The following PDS5A variants were observed in gnomAD, a reference collection of about 807,000 sequenced individuals.
The protein encoded by PDS5A is sister chromatid cohesion protein PDS5 homolog A.
A neutral mutation model predicts 167.1 loss-of-function variants in PDS5A; 42 were observed. The observed-to-expected ratio is 0.25, with a 90% CI of 0.20 to 0.33. The LOEUF (loss-of-function observed/expected upper bound fraction) is 0.33, where lower values mean the gene tolerates loss of function less well. PDS5A is among the 10% of genes least tolerant of loss of function. The pLI is 1.00. For missense variants in PDS5A, 1,033 were observed against 1,605.9 expected, an observed-to-expected ratio of 0.64 and a Z score of 6.10; for synonymous variants, 553 against 554.6, an observed-to-expected ratio of 1.00 and a Z score of 0.04.
intron 23 of PDS5A, among the ~76,000 whole-genome samples, 158 bp from the exon 24 acceptor site, chr4:39,863,617 CAG>C (rs1719179766): frequency 6.6e-6 from 1 of 152,032 alleles, no homozygotes; most frequent in Non-Finnish European, 1.5e-5. Context: ...GAACTTAACA[CAG>C]GGGATTGTGA....
At chr4:39,970,315 T>G (rs1461889292) in intron 2 of PDS5A, among the ~76,000 whole-genome samples, 1 of 151,792 alleles carries the variant, frequency 6.6e-6, no homozygotes, top group Non-Finnish European at 1.5e-5. Flanking sequence ...ATAGGTAAAG[T>G]AATGCCCTGG....
chr4:39,920,299 A>C lies in PDS5A; in HGVS notation c.735+20T>G. On this transcript the variant is annotated intron_variant, in intron 7 of 32. Transcript: ENST00000303538. ...TTAAGAATTACAAAATATAGAATAAACATAGAAAGAAATACATACATTAGC... is the reference window on the plus strand; with the variant it reads ...TTAAGAATTACAAAATATAGAATAACCATAGAAAGAAATACATACATTAGC... 1 of 1,048,340 alleles carries C rather than the reference A, an allele frequency of 9.5e-7. No individual in the cohort carries two copies. Among genetic ancestry groups the C allele is most frequent in the South Asian group, 1.5e-5 (1 of 67,032 alleles). 64.9% of individuals were successfully genotyped at this position (1,048,340 alleles called of 1,614,324 possible).
chr4:39,902,121 T>C (rs886983735), intron 13 of PDS5A, among the ~76,000 whole-genome samples: 2 of 152,210 alleles, frequency 1.3e-5, no homozygotes, highest in Non-Finnish European at 2.9e-5. Flanking sequence ...GTCATTTATT[T>C]GAACACCTGA....
chr4:39,923,918 T>C lies in PDS5A; in HGVS notation c.528-1170A>G, dbSNP rs187901401. On this transcript the variant is annotated intron_variant, in intron 5 of 32. Transcript: ENST00000303538. ...GCCACTAGAAGTTTTAACTCACCAA[T>C]ACTGAAAATCAAAAGTTTCATCTAA... Among the ~76,000 whole-genome samples, 8 of 152,226 alleles carry C rather than the reference T, an allele frequency of 5.3e-5. No individual in the cohort carries two copies. In the East Asian group the frequency reaches 1.3e-3, roughly 26 times the overall value.
At chr4:39,915,197 C>A (rs1330273271) in intron 8 of PDS5A, among the ~76,000 whole-genome samples, 1 of 151,778 alleles carries the variant, frequency 6.6e-6, no homozygotes, top group East Asian at 1.9e-4. Context: ...CATCACCACA[C>A]CTGGCTAATT....
intron 8 of PDS5A, among the ~76,000 whole-genome samples, chr4:39,916,008 G>T (rs1486293043): frequency 6.6e-6 from 1 of 152,258 alleles, no homozygotes; most frequent in African/African-American, 2.4e-5. Flanking sequence ...CAAGGCAGGA[G>T]AATTGCATTA....
rs768939264 is a variant in PDS5A at position 39,834,385 on chromosome 4, G to GA, written c.4010+3470dup. Among the ~76,000 whole-genome samples, 6 of 152,252 alleles carry GA rather than the reference G, an allele frequency of 3.9e-5. No individual in the cohort carries two copies. The East Asian group carries it at 1.2e-3, about 29-fold the overall frequency. The stretch of plus-strand genomic sequence containing the variant: ...TTTGGACAAAGTCAAAGCTTTAGCA[G>GA]AAAAATGCCTGGGAAAGCTTCACCA... On this transcript the variant is annotated intron_variant, in intron 32 of 32. Coordinates refer to ENST00000303538, the MANE Select transcript of PDS5A (RefSeq NM_001100399.2).
At chr4:39,892,217 T>A (rs1722036594) in intron 16 of PDS5A, among the ~76,000 whole-genome samples, 1 of 152,176 alleles carries the variant, frequency 6.6e-6, no homozygotes, top group Non-Finnish European at 1.5e-5. Context: ...AGGTGACGGA[T>A]CGTTTGAGGT....
chr4:39,877,290 T>C (rs1720541317), intron 18 of PDS5A, 137 bp from the exon 19 acceptor site: 2 of 484,116 alleles, frequency 4.1e-6, no homozygotes, highest in Non-Finnish European at 7.0e-6. Context: ...ATACATCTCC[T>C]AGCCGTCCTT....
At chr4:39,896,910 T>A (rs909349194) in intron 16 of PDS5A, among the ~76,000 whole-genome samples, 4 of 152,022 alleles carry the variant, frequency 2.6e-5, no homozygotes, top group Non-Finnish European at 5.9e-5. Flanking sequence ...AATCTTTTTT[T>A]TTTTTTAATG....
At chr4:39,902,276 C>T (rs2109656185) in intron 13 of PDS5A, 71 bp downstream of exon 13, 1 of 673,306 alleles carries the variant, frequency 1.5e-6, no homozygotes, top group South Asian at 2.0e-5. Flanking sequence ...TCAATAACAA[C>T]TAATTAGATA....
rs773588952 is a variant in PDS5A, at chr4:39,928,143, C to T, written c.160G>A (p.Asp54Asn). ...RLKMVVKTFM[D>N]MDQDSEDEKQ... ...TCATCTTCTGAGTCCTGATCCATAT[C>T]CATAAAGGTTTTCACTACCATCTGT... The change falls in exon 3 of 33, where the codon GAT (aspartate) becomes AAT (asparagine). Residue 54 changes from aspartate (D) to asparagine (N), a missense_variant. Coordinates refer to ENST00000303538, the MANE Select transcript of PDS5A (RefSeq NM_001100399.2). 1 of 1,609,106 alleles carries T rather than the reference C, an allele frequency of 6.2e-7. No individual in the cohort carries two copies. The highest frequency in any genetic ancestry group is 1.1e-5 in the South Asian group (1 of 90,550).
intron 10 of PDS5A, chr4:39,908,811 C>A: frequency 2.7e-6 from 1 of 369,032 alleles, no homozygotes; most frequent in Non-Finnish European, 4.9e-6. Context: ...GCAGGTCGCA[C>A]AAGCTCAAGA....
rs199762348 is a variant in PDS5A, at chr4:39,885,568, GAC to G, written c.1886+4679_1886+4680del. ...CAGGATCGTGCATTTCAGCCTGGGC[GAC>G]AGAGTGAGATCGTGTATCCAAAAAA... On this transcript the variant is annotated intron_variant, in intron 17 of 32. Transcript: ENST00000303538. Among the ~76,000 whole-genome samples the G allele has an allele frequency of 4.4e-3, 670 of 152,152 alleles. 5 individuals are homozygous for G. The highest frequency in any genetic ancestry group is 0.016 in the African/African-American group (648 of 41,506).
At chr4:39,836,325 G>A (rs369529865) in intron 32 of PDS5A, among the ~76,000 whole-genome samples, 2 of 152,174 alleles carry the variant, frequency 1.3e-5, no homozygotes, top group Non-Finnish European at 2.9e-5. Flanking sequence ...CTCAGATCAG[G>A]TTTGAGCCTT....
chr4:39,897,822 G>A (rs1455827030), intron 16 of PDS5A: 2 of 153,716 alleles, frequency 1.3e-5, no homozygotes, highest in Non-Finnish European at 2.8e-5. Context: ...CTATGATTGT[G>A]CCACTGAACT....
At chr4:39,884,464 G>A (rs970234034) in intron 17 of PDS5A, among the ~76,000 whole-genome samples, 2 of 152,146 alleles carry the variant, frequency 1.3e-5, no homozygotes, top group Non-Finnish European at 2.9e-5. Flanking sequence ...TGTGTACCAC[G>A]ATGTACATGT....
chr4:39,938,527 C>T (rs1400240857), intron 2 of PDS5A, among the ~76,000 whole-genome samples: 4 of 151,856 alleles, frequency 2.6e-5, no homozygotes, highest in South Asian at 2.1e-4. Context: ...GCACTCCAGC[C>T]GGGGTGACAG....
chr4:39,849,920 G>C (rs982309195), intron 26 of PDS5A, among the ~76,000 whole-genome samples: 3 of 152,072 alleles, frequency 2.0e-5, no homozygotes, highest in Non-Finnish European at 4.4e-5. Flanking sequence ...GCTGGATATG[G>C]TGGCTCGTGC....
Sources: allele counts gnomAD v4.1 joint callset (sites outside exome capture counted in the v4.1 genomes callset), GRCh38; gene constraint gnomAD v4.1.1; transcripts MANE v1.5; gene names NCBI Gene and HGNC (gene_info 2026-07-23, HGNC 2026-07-21).